The following ADAM32 variants were observed in gnomAD, a reference collection of about 807,000 sequenced individuals.
The protein encoded by ADAM32 is ADAM metallopeptidase domain 32.
In ADAM32, 89 loss-of-function variants were observed where a neutral mutation model predicts 114.9. The observed-to-expected ratio is 0.77, with a 90% confidence interval of 0.65 to 0.92. The LOEUF (loss-of-function observed/expected upper bound fraction) is 0.92. Among genes scored for constraint, ADAM32 ranks in the 40% least tolerant of loss-of-function variants. The pLI is 0.00. For missense variants in ADAM32, 870 were observed against 932.8 expected, an observed-to-expected ratio of 0.93 and a Z score of 0.88; for synonymous variants, 285 against 307.5, an observed-to-expected ratio of 0.93 and a Z score of 0.77.
chr8:39,198,567 G>A (rs940214687), intron 11 of ADAM32, among the ~76,000 whole-genome samples: 1 of 152,038 alleles, frequency 6.6e-6, no homozygotes, highest in African/African-American at 2.4e-5. Flanking sequence ...TAGTGGAGAT[G>A]GGGTTTCACC....
chr8:39,156,634 C>T (rs1804168397), intron 6 of ADAM32, among the ~76,000 whole-genome samples: 1 of 152,146 alleles, frequency 6.6e-6, no homozygotes. Flanking sequence ...GTAGCTTAAA[C>T]AAGGATATGT....
chr8:39,177,829 A>T (rs1222949838), intron 10 of ADAM32, among the ~76,000 whole-genome samples: 2 of 152,186 alleles, frequency 1.3e-5, no homozygotes, highest in Non-Finnish European at 2.9e-5. Context: ...AGAATGTTGA[A>T]TATTGGCCCC....
In ADAM32 at chr8:39,275,825, T is replaced by C; in HGVS notation, c.2241-3T>C. ...GAAGCATTACTTTTTCGCTTTCTTT[T>C]AGAACCAGATCAGAAAGCAGCAGTC... On this transcript the variant is annotated splice_region_variant and splice_polypyrimidine_tract_variant and intron_variant, in intron 21 of 24. Transcript: ENST00000379907. 6.4e-7 allele frequency: 1 copy of C among 1,557,010 alleles called. No homozygotes were observed. Among genetic ancestry groups the C allele is most frequent in the Non-Finnish European group, 8.7e-7 (1 of 1,149,770 alleles).
intron 19 of ADAM32, among the ~76,000 whole-genome samples, chr8:39,257,667 C>T (rs1036754872): frequency 6.6e-6 from 1 of 152,020 alleles, no homozygotes; most frequent in Non-Finnish European, 1.5e-5. Context: ...ATTAAAAATG[C>T]AGATTTCAGG....
chr8:39,211,867 T>A (rs1808243797), intron 12 of ADAM32, among the ~76,000 whole-genome samples: 2 of 152,216 alleles, frequency 1.3e-5, no homozygotes, highest in South Asian at 4.1e-4. Flanking sequence ...ATTTCCTTGG[T>A]TACAAGGTAG....
chr8:39,120,309 C>T (rs1233017657), intron 2 of ADAM32, among the ~76,000 whole-genome samples: 1 of 152,026 alleles, frequency 6.6e-6, no homozygotes, highest in Non-Finnish European at 1.5e-5. Flanking sequence ...TAAGAAGAAG[C>T]CTAGATTGCC....
intron 22 of ADAM32, among the ~76,000 whole-genome samples, chr8:39,279,266 T>C (rs941074417): frequency 6.6e-6 from 1 of 152,190 alleles, no homozygotes; most frequent in Non-Finnish European, 1.5e-5. Flanking sequence ...GGTCTTCTCA[T>C]TTTAGCCTTC....
chr8:39,237,491 C>T (rs1298415938), intron 16 of ADAM32, among the ~76,000 whole-genome samples: 1 of 152,042 alleles, frequency 6.6e-6, no homozygotes, highest in Non-Finnish European at 1.5e-5. Flanking sequence ...GATCTCAGCC[C>T]TGTGCACCAG....
intron 3 of ADAM32, 100 bp downstream of exon 3, chr8:39,136,818 A>G: frequency 1.2e-6 from 1 of 841,326 alleles, no homozygotes; most frequent in Non-Finnish European, 1.7e-6. Flanking sequence ...GGAATTATTA[A>G]CTTTTTTAAT....
intron 12 of ADAM32, among the ~76,000 whole-genome samples, chr8:39,212,662 T>C (rs547921281): frequency 5.8e-4 from 89 of 152,328 alleles, no homozygotes; most frequent in Non-Finnish European, 1.2e-3. Context: ...CCTTTTAATT[T>C]TGAGTAATAT....
At chr8:39,143,917 C>A (rs1309018170) in intron 3 of ADAM32, among the ~76,000 whole-genome samples, 1 of 152,156 alleles carries the variant, frequency 6.6e-6, no homozygotes, top group Non-Finnish European at 1.5e-5. Context: ...CTATTCAAGC[C>A]TCAGTAATGG....
intron 4 of ADAM32, 58 bp from the exon 5 acceptor site, chr8:39,149,733 A>T: frequency 8.1e-7 from 1 of 1,231,348 alleles, no homozygotes; most frequent in Non-Finnish European, 1.2e-6. Flanking sequence ...AGAAGTAGGA[A>T]ATCACTAGAA....
At chr8:39,142,038 C>T (rs536114316) in intron 3 of ADAM32, among the ~76,000 whole-genome samples, 117 of 151,568 alleles carry the variant, frequency 7.7e-4, no homozygotes, top group African/African-American at 2.8e-3. Flanking sequence ...TTTTGTTTTC[C>T]ATTTGCTTGG....
At chr8:39,233,570 C>CTGT (rs1564650624) in intron 15 of ADAM32, among the ~76,000 whole-genome samples, 1 of 152,016 alleles carries the variant, frequency 6.6e-6, no homozygotes, top group African/African-American at 2.4e-5. Flanking sequence ...TATCTTATGC[C>CTGT]GATCTCCTGT....
rs12676587 is a variant in ADAM32, at chr8:39,137,747, G to A, written c.200+1029G>A. 1.2e-3 allele frequency among the ~76,000 whole-genome samples: 180 copies of A among 149,120 alleles called. 1 individual carries two copies. The East Asian group carries it at 0.024, about 20-fold the overall frequency. ...GATGGTGCCACTGCACGCCAGCCTGGGTGACAGAGTGAGACACTGTCTCAA... is the reference window on the plus strand; with the variant it reads ...GATGGTGCCACTGCACGCCAGCCTGAGTGACAGAGTGAGACACTGTCTCAA... On this transcript the variant is annotated intron_variant, in intron 3 of 24. Transcript: ENST00000379907.
At chr8:39,154,883 TGG>T (rs1564497653) in intron 6 of ADAM32, among the ~76,000 whole-genome samples, 6 of 89,396 alleles carry the variant, frequency 6.7e-5, no homozygotes, top group Non-Finnish European at 2.9e-5. Flanking sequence ...CACTTTTTGA[TGG>T]TTTTTTTTTT....
chr8:39,172,280 T>A (rs1404746752), intron 10 of ADAM32, among the ~76,000 whole-genome samples: 1 of 151,998 alleles, frequency 6.6e-6, no homozygotes. Flanking sequence ...TTTAACACAG[T>A]GTATATGAAT....
At chr8:39,241,405 C>T (rs1478136605) in intron 16 of ADAM32, among the ~76,000 whole-genome samples, 4 of 152,252 alleles carry the variant, frequency 2.6e-5, no homozygotes, top group Non-Finnish European at 1.5e-5. Context: ...GTGGGGGCTC[C>T]AACCTCACAT....
chr8:39,154,177 T>C (rs539169273), intron 6 of ADAM32, among the ~76,000 whole-genome samples: 1 of 151,988 alleles, frequency 6.6e-6, no homozygotes, highest in Admixed American at 6.6e-5. Flanking sequence ...CTTCTAGTGC[T>C]ATCCCTCCCC....
Sources: gnomAD v4.1 joint callset for allele counts (sites outside exome capture counted in the v4.1 genomes callset) on GRCh38, gnomAD v4.1.1 for gene constraint, MANE v1.5 for transcripts, NCBI Gene and HGNC (gene_info 2026-07-23, HGNC 2026-07-21) for gene names.